The following WDR33 variants were observed in gnomAD, a reference collection of about 807,000 sequenced individuals.
WDR33 encodes the protein pre-mRNA 3' end processing protein WDR33.
A neutral mutation model predicts 164.9 loss-of-function variants in WDR33; 47 were observed. The ratio of observed to expected loss-of-function variants is 0.29; its 90% CI spans 0.23 to 0.36. WDR33 has a LOEUF of 0.36. WDR33 is among the 10% of genes least tolerant of loss of function. The probability of loss-of-function intolerance (pLI) is 1.00; values close to 1 mark genes in which losing one functional copy is unlikely to be tolerated. For synonymous variants in WDR33, 505 were observed against 589.0 expected, an observed-to-expected ratio of 0.86 and a Z score of 2.06; for missense variants, 1,137 against 1,754.1, an observed-to-expected ratio of 0.65 and a Z score of 6.28.
At position 127,713,481 on chromosome 2, in the gene WDR33, T is replaced by A. The variant is rs573934013; in HGVS notation, c.3308+102A>T. The A allele has an allele frequency of 1.9e-5, 25 of 1,349,742 alleles. No individual in the cohort carries two copies. Among genetic ancestry groups the A allele is most frequent in the Non-Finnish European group, 2.5e-5 (24 of 976,640 alleles). The allele number at this position is 1,349,742 out of a possible 1,614,324, so 83.6% of individuals were successfully genotyped here. Reference sequence around the variant, plus strand: ...CAGAGTGCAGGGCTGGTAATTGATATAATTCTCTTTCCTCAAGAAAAAGAA... The same window carrying A: ...CAGAGTGCAGGGCTGGTAATTGATAAAATTCTCTTTCCTCAAGAAAAAGAA... On this transcript the variant is annotated intron_variant, in intron 18 of 21. Transcript: ENST00000322313. The surrounding 1 kb of genome is among the most constrained non-coding windows in gnomAD (Gnocchi z 6.2).
chr2:127,805,830 A>G (rs959729777), intron 1 of WDR33, among the ~76,000 whole-genome samples: 1 of 151,974 alleles, frequency 6.6e-6, no homozygotes, highest in Non-Finnish European at 1.5e-5. Context: ...GTGACCCTTG[A>G]TTTCATTCGT....
rs1355342865 is a variant in WDR33 at position 127,750,732 on chromosome 2, A to G, written c.724+12330T>C. ...TATATATGTATGTATGCATACATAT[A>G]TATGTATGCATACATATATATGTAT... On this transcript the variant is annotated intron_variant, in intron 7 of 21. Transcript: ENST00000322313. 2.6e-4 allele frequency among the ~76,000 whole-genome samples: 18 copies of G among 69,368 alleles called. No individual in the cohort carries two copies. The East Asian group carries it at 3.8e-3, about 15-fold the overall frequency. The allele number at this position is 69,368 out of a possible 152,430, so 45.5% of individuals were successfully genotyped here.
intron 7 of WDR33, among the ~76,000 whole-genome samples, chr2:127,760,187 T>C (rs1424135313): frequency 1.3e-5 from 2 of 152,238 alleles, no homozygotes; most frequent in South Asian, 2.1e-4. Context: ...GGCTAGTTTT[T>C]AGGAATGTTG....
chr2:127,798,336 C>G (rs1168593638), intron 1 of WDR33, among the ~76,000 whole-genome samples: 1 of 134,460 alleles, frequency 7.4e-6, no homozygotes, highest in Non-Finnish European at 1.5e-5. Context: ...CCACTGCACT[C>G]CAGCCTAGGC....
intron 1 of WDR33, among the ~76,000 whole-genome samples, chr2:127,776,159 T>C (rs187317847): frequency 9.8e-4 from 149 of 152,258 alleles, no homozygotes; most frequent in Non-Finnish European, 1.7e-3. Context: ...GGTATCCTTT[T>C]AAATGAAGAT....
chr2:127,743,044 A>AACCCCAG (rs1178126026), intron 7 of WDR33, among the ~76,000 whole-genome samples: 3 of 152,146 alleles, frequency 2.0e-5, no homozygotes, highest in Non-Finnish European at 4.4e-5. Context: ...TCAAACCCCA[A>AACCCCAG]ACTATGAGTC....
At chr2:127,765,328 T>C (rs1558944077) in intron 4 of WDR33, 59 bp from the exon 5 acceptor site, 2 of 1,230,368 alleles carry the variant, frequency 1.6e-6, no homozygotes, top group Middle Eastern at 1.9e-4. Flanking sequence ...TTGAAAAACA[T>C]ATTAAAGGTA....
In WDR33 at chr2:127,713,787, C is replaced by A; in HGVS notation, c.3104G>T (p.Arg1035Leu). 1.2e-6 allele frequency: 2 copies of A among 1,614,260 alleles called. No homozygotes were observed. Among genetic ancestry groups the A allele is most frequent in the Non-Finnish European group, 1.7e-6 (2 of 1,180,052 alleles). Reference protein sequence around the residue: ...FGHRLREFEGRGGPLPQEEKW... With the variant: ...FGHRLREFEGLGGPLPQEEKW... ...CTCTTCTTGCGGTAAAGGTCCTCCT[C>A]GCCCCTCAAATTCACGTAACCGGTG... The change falls in exon 18 of 22, where the codon CGA (arginine) becomes CTA (leucine). Residue 1035 changes from arginine (R) to leucine (L), a missense_variant. This residue lies in a region of WDR33 where 867 missense variants were observed against 1,073.0 expected (regional missense o/e 0.81). Transcript: ENST00000322313. The surrounding 1 kb of genome is among the most constrained non-coding windows in gnomAD (Gnocchi z 6.2).
At chr2:127,787,431 T>C (rs868561714) in intron 1 of WDR33, among the ~76,000 whole-genome samples, 16,568 of 102,994 alleles carry the variant, frequency 0.16, 1,382 homozygotes, top group South Asian at 0.26. Flanking sequence ...CCAGTAGGGG[T>C]GGCCGGGCAG....
Position 127,719,775 on chromosome 2 carries a change from T to C in WDR33, c.2250A>G (p.Gln750=), listed in dbSNP as rs1573885310. ...MQGPPGPRGM[Q]GPPHPHGIQG... ...GGATCCCATGAGGATGAGGAGGCCC[T>C]TGCATTCCTCTGGGACCAGGTGGTC... Residue 750 remains glutamine, a synonymous_variant, in exon 16 of 22, where the codon CAA becomes CAG. Transcript: ENST00000322313. The surrounding 1 kb of genome is among the most constrained non-coding windows in gnomAD (Gnocchi z 6.5). 1 of 1,613,816 alleles carries C rather than the reference T, an allele frequency of 6.2e-7. No homozygotes were observed. The highest frequency in any genetic ancestry group is 8.5e-7 in the Non-Finnish European group (1 of 1,179,962).
chr2:127,744,128 G>A (rs78773974), intron 7 of WDR33, among the ~76,000 whole-genome samples: 11,552 of 152,162 alleles, frequency 0.076, 456 homozygotes, highest in Non-Finnish European at 0.092. Flanking sequence ...TTTCAGTTTG[G>A]CTAGATGACA....
chr2:127,741,187 A>T lies in WDR33; in HGVS notation c.725-14410T>A, dbSNP rs929327213. On this transcript the variant is annotated intron_variant, in intron 7 of 21. Transcript: ENST00000322313. This position sits in a 1 kb window ranked among gnomAD's most constrained non-coding sequence, Gnocchi z 4.1. Reference sequence around the variant, plus strand: ...AAAGCACATTTGTTACAAAAAGCACATTTCAGTCTGGGAAGAAACCCTAGA... The same window carrying T: ...AAAGCACATTTGTTACAAAAAGCACTTTTCAGTCTGGGAAGAAACCCTAGA... Among the ~76,000 whole-genome samples, 15 of 152,248 alleles carry T rather than the reference A, an allele frequency of 9.9e-5. No homozygotes were observed. Among genetic ancestry groups the T allele is most frequent in the African/African-American group, 3.6e-4 (15 of 41,466 alleles).
At position 127,722,947 on chromosome 2, in the gene WDR33, A is replaced by G. The variant is rs781129657; in HGVS notation, c.1378+11T>C. The G allele has an allele frequency of 7.5e-6, 12 of 1,592,524 alleles. No individual in the cohort carries two copies. On this transcript the variant is annotated intron_variant, in intron 13 of 21. Coordinates refer to ENST00000322313, the MANE Select transcript of WDR33 (RefSeq NM_018383.5). This position sits in a 1 kb window ranked among gnomAD's most constrained non-coding sequence, Gnocchi z 5.1. Reference sequence around the variant, plus strand: ...TGTAAAAATTAAATGTGTCTGTGTAACTTCTCTTACCCATCTGTTCTTGTT... The same window carrying G: ...TGTAAAAATTAAATGTGTCTGTGTAGCTTCTCTTACCCATCTGTTCTTGTT...
intron 1 of WDR33, among the ~76,000 whole-genome samples, chr2:127,798,313 A>G (rs1689112762): frequency 7.2e-6 from 1 of 138,570 alleles, no homozygotes; most frequent in South Asian, 2.4e-4. Flanking sequence ...GGTTGCAGTG[A>G]GCCAAGATCG....
intron 3 of WDR33, among the ~76,000 whole-genome samples, chr2:127,768,510 CAAG>C (rs1687892342): frequency 6.6e-6 from 1 of 152,060 alleles, no homozygotes. Flanking sequence ...ACTAAACAAA[CAAG>C]AAAATCAAGT....
chr2:127,783,496 G>GC (rs1688445063), intron 1 of WDR33, among the ~76,000 whole-genome samples: 1 of 151,162 alleles, frequency 6.6e-6, no homozygotes, highest in Non-Finnish European at 1.5e-5. Flanking sequence ...ATTTTAAAGT[G>GC]CAACAAAATT....
Position 127,805,068 on chromosome 2 carries a change from C to CTTTT in WDR33, c.-24+5940_-24+5943dup, listed in dbSNP as rs201681607. 4.7e-3 allele frequency among the ~76,000 whole-genome samples: 396 copies of CTTTT among 84,440 alleles called. 38 individuals are homozygous for CTTTT. Among genetic ancestry groups the CTTTT allele is most frequent in the African/African-American group, 0.014 (274 of 19,922 alleles). The allele number at this position is 84,440 out of a possible 152,430, so 55.4% of individuals were successfully genotyped here. Reference sequence around the variant, plus strand: ...CGTATCATCACCTGTGAAGTTTTTTCTTTTTTTTTTTTTTTTTTTTTTTTT... The same window carrying CTTTT: ...CGTATCATCACCTGTGAAGTTTTTTCTTTTTTTTTTTTTTTTTTTTTTTTTTTTT... On this transcript the variant is annotated intron_variant, in intron 1 of 21. Transcript: ENST00000322313.
chr2:127,808,856 C>T (rs1689528663), intron 1 of WDR33, among the ~76,000 whole-genome samples: 1 of 152,014 alleles, frequency 6.6e-6, no homozygotes, highest in Admixed American at 6.6e-5. Flanking sequence ...CGGTGAAATC[C>T]CGTCTCTACT....
intron 7 of WDR33, among the ~76,000 whole-genome samples, chr2:127,750,650 TAAAAAAAAAAA>T (rs1174539929): frequency 8.0e-4 from 12 of 14,958 alleles, no homozygotes; most frequent in Admixed American, 1.3e-3. Flanking sequence ...AACTCCATCT[TAAAAAAAAAAA>T]AAAAAAAAAA....
Sources: allele counts gnomAD v4.1 joint callset (sites outside exome capture counted in the v4.1 genomes callset), GRCh38; gene constraint gnomAD v4.1.1; regional missense constraint gnomAD v4.1.1; non-coding constraint Gnocchi (gnomAD v3.1); transcripts MANE v1.5; gene names NCBI Gene and HGNC (gene_info 2026-07-23, HGNC 2026-07-21).